Variants in NGEF observed in about 807,000 individuals in gnomAD.
NGEF encodes the protein ephexin-1.
Under a neutral mutation model 80.9 loss-of-function variants are expected in NGEF, and 31 were observed. The observed-to-expected ratio is 0.38, with a 90% CI of 0.29 to 0.52. The LOEUF (loss-of-function observed/expected upper bound fraction) is 0.52. Among genes scored for constraint, NGEF ranks in the 20% least tolerant of loss-of-function variants. NGEF has a pLI of 0.84. For synonymous variants in NGEF, 371 were observed against 370.2 expected, an observed-to-expected ratio of 1.00 and a Z score of -0.03; for missense variants, 709 against 926.2, an observed-to-expected ratio of 0.77 and a Z score of 3.04.
rs145344556 is a variant in NGEF at position 232,918,359 on chromosome 2, C to T, written c.828+1925G>A. Among the ~76,000 whole-genome samples, 709 of 152,238 alleles carry T rather than the reference C, an allele frequency of 4.7e-3. 8 individuals carry two copies. The highest frequency in any genetic ancestry group is 0.016 in the African/African-American group (685 of 41,520). On this transcript the variant is annotated intron_variant, in intron 5 of 14. Coordinates refer to ENST00000264051, the MANE Select transcript of NGEF (RefSeq NM_019850.3). ...CAGGTGATCTGCCCACCCCGGCCTC[C>T]CAAAGTGCTGGGATTACAGGTGTGA...
At chr2:232,950,322 T>C (rs545700564) in intron 3 of NGEF, among the ~76,000 whole-genome samples, 20 of 152,342 alleles carry the variant, frequency 1.3e-4, no homozygotes, top group African/African-American at 4.3e-4. Context: ...GCGGTGTTAT[T>C]GGTATGAGGA....
chr2:232,927,173 T>A lies in NGEF; in HGVS notation c.397A>T (p.Thr133Ser), dbSNP rs760915088. Residue 133 changes from threonine to serine, a missense_variant, in exon 4 of 15, where the codon ACC (threonine) becomes TCC (serine). Coordinates refer to ENST00000264051, the MANE Select transcript of NGEF (RefSeq NM_019850.3). ...TCGGGCGTGGCCCCATTTCCCGGGG[T>A]GGAGGACGACTCACTGCCAGAGAGG... ...GAQEMSESSS[T>S]PGNGATPEEW... is the part of the protein sequence containing the mutation. 1.3e-6 allele frequency: 2 copies of A among 1,595,314 alleles called. No individual in the cohort carries two copies. Among genetic ancestry groups the A allele is most frequent in the Non-Finnish European group, 1.7e-6 (2 of 1,172,780 alleles).
At chr2:232,960,649 C>T (rs950093586) in intron 3 of NGEF, among the ~76,000 whole-genome samples, 14 of 152,120 alleles carry the variant, frequency 9.2e-5, no homozygotes, top group African/African-American at 1.9e-4. Context: ...GAGGCTGAGG[C>T]GGGTGGATCA....
chr2:232,916,668 C>T (rs1472102183), intron 5 of NGEF, among the ~76,000 whole-genome samples: 1 of 152,140 alleles, frequency 6.6e-6, no homozygotes, highest in Non-Finnish European at 1.5e-5. Context: ...CAATGTTTCA[C>T]CCAACAGGTT....
At chr2:232,906,783 G>T (rs571231693) in intron 5 of NGEF, among the ~76,000 whole-genome samples, 3 of 151,476 alleles carry the variant, frequency 2.0e-5, no homozygotes, top group African/African-American at 7.3e-5. Context: ...GATGGTTGCG[G>T]TGTCTGTGTA....
intron 8 of NGEF, among the ~76,000 whole-genome samples, chr2:232,888,627 C>T (rs758622889): frequency 6.6e-6 from 1 of 152,184 alleles, no homozygotes; most frequent in Non-Finnish European, 1.5e-5. Context: ...AGCAAGAGAG[C>T]CCGCAGGTGT....
chr2:232,901,827 G>A (rs1692365678), intron 5 of NGEF, among the ~76,000 whole-genome samples: 1 of 152,192 alleles, frequency 6.6e-6, no homozygotes, highest in African/African-American at 2.4e-5. Context: ...CGTCCTTCCG[G>A]GACTCCCTTA....
At chr2:232,977,015 G>A (rs546356996) in intron 1 of NGEF, among the ~76,000 whole-genome samples, 192 of 152,296 alleles carry the variant, frequency 1.3e-3, no homozygotes, top group African/African-American at 4.5e-3. Context: ...GGGAGTGCCT[G>A]GGAGGAAGAT....
Position 232,930,184 on chromosome 2 carries a change from G to A in NGEF, c.384-2998C>T, listed in dbSNP as rs376840705. Among the ~76,000 whole-genome samples the A allele has an allele frequency of 3.9e-5, 6 of 152,228 alleles. No individual in the cohort carries two copies. In the East Asian group the frequency reaches 9.7e-4, roughly 25 times the overall value. ...AGCAGACACATTTCTCATAGTTCCAGAGGCTGGAAGGCTGAGCTCAGAGTG... is the reference window on the plus strand; with the variant it reads ...AGCAGACACATTTCTCATAGTTCCAAAGGCTGGAAGGCTGAGCTCAGAGTG... On this transcript the variant is annotated intron_variant, in intron 3 of 14. Transcript: ENST00000264051.
At chr2:232,928,732 G>A (rs1289847358) in intron 3 of NGEF, among the ~76,000 whole-genome samples, 1 of 152,190 alleles carries the variant, frequency 6.6e-6, no homozygotes, top group African/African-American at 2.4e-5. Flanking sequence ...GACGAGCCAC[G>A]CTCAGCTACG....
intron 1 of NGEF, among the ~76,000 whole-genome samples, chr2:232,983,285 T>C (rs961566325): frequency 3.9e-5 from 6 of 152,012 alleles, no homozygotes; most frequent in East Asian, 1.9e-4. Flanking sequence ...GGGGAGCCCC[T>C]ACTACGCCGT....
At position 232,879,214 on chromosome 2, in the gene NGEF, C is replaced by A; in HGVS notation, c.*275G>T. ...CCTGGAGTGTGCCCACCCCCTTCCACCCCCTCGGAGGCATGAGGGAGGTGG... is the reference window on the plus strand; with the variant it reads ...CCTGGAGTGTGCCCACCCCCTTCCAACCCCTCGGAGGCATGAGGGAGGTGG... On this transcript the variant is annotated 3_prime_UTR_variant, in exon 15 of 15. Coordinates refer to ENST00000264051, the MANE Select transcript of NGEF (RefSeq NM_019850.3). The A allele has an allele frequency of 2.8e-6, 1 of 353,244 alleles. No individual in the cohort carries two copies. The allele number at this position is 353,244 out of a possible 1,614,324, so 21.9% of individuals were successfully genotyped here. A position where few individuals can be genotyped will look rare whatever the true frequency, so the allele number is the denominator to read the frequency against.
chr2:232,950,381 C>T (rs1389523695), intron 3 of NGEF, among the ~76,000 whole-genome samples: 1 of 152,192 alleles, frequency 6.6e-6, no homozygotes, highest in African/African-American at 2.4e-5. Flanking sequence ...GAACTTCTTT[C>T]TAAAGGATTT....
intron 1 of NGEF, among the ~76,000 whole-genome samples, chr2:232,982,670 C>T (rs1209703844): frequency 2.0e-5 from 3 of 152,210 alleles, no homozygotes; most frequent in Non-Finnish European, 4.4e-5. Context: ...CCCGCTACCA[C>T]ATCTGGCTAA....
chr2:232,897,349 C>T (rs1052495204), intron 5 of NGEF, among the ~76,000 whole-genome samples: 13 of 151,974 alleles, frequency 8.6e-5, no homozygotes, highest in African/African-American at 2.4e-4. Flanking sequence ...CTTAATCCTC[C>T]CAGGTCCCCC....
intron 3 of NGEF, among the ~76,000 whole-genome samples, chr2:232,949,205 C>T (rs1440906037): frequency 1.3e-5 from 2 of 152,158 alleles, no homozygotes; most frequent in Admixed American, 6.5e-5. Context: ...CCCATGAAGG[C>T]GGAGCTCTTG....
intron 1 of NGEF, among the ~76,000 whole-genome samples, chr2:232,991,034 AC>A (rs60573740): frequency 0.1 from 15,806 of 152,146 alleles, 2,717 homozygotes; most frequent in African/African-American, 0.36. Context: ...AAATTCAACA[AC>A]CCTTCATAAT....
At chr2:232,906,060 G>T (rs1448611449) in intron 5 of NGEF, among the ~76,000 whole-genome samples, 27 of 133,320 alleles carry the variant, frequency 2.0e-4, no homozygotes, top group Admixed American at 1.8e-3. Flanking sequence ...GCCCCGTCCG[G>T]GAGGGAGGTG....
At chr2:232,906,174 G>A (rs1214992480) in intron 5 of NGEF, among the ~76,000 whole-genome samples, 1 of 24,806 alleles carries the variant, frequency 4.0e-5, no homozygotes, top group East Asian at 1.3e-3. Flanking sequence ...AGGTGGGGGG[G>A]TCAGCCCCCC....
Sources: gnomAD v4.1 joint callset for allele counts (sites outside exome capture counted in the v4.1 genomes callset) on GRCh38, gnomAD v4.1.1 for gene constraint, MANE v1.5 for transcripts, NCBI Gene and HGNC (gene_info 2026-07-23, HGNC 2026-07-21) for gene names.